Variants in LRCH2 observed in about 807,000 individuals in gnomAD.
The protein encoded by LRCH2 is leucine-rich repeat and calponin homology domain-containing protein 2.
Under a neutral mutation model 68.9 loss-of-function variants are expected in LRCH2, and 38 were observed. The observed-to-expected ratio is 0.55, with a 90% confidence interval of 0.43 to 0.72. The LOEUF (loss-of-function observed/expected upper bound fraction) is 0.72, where lower values mean the gene tolerates loss of function less well. Among genes scored for constraint, LRCH2 ranks in the 30% least tolerant of loss-of-function variants. The pLI is 0.00. For missense variants in LRCH2, 528 were observed against 572.9 expected, an observed-to-expected ratio of 0.92 and a Z score of 0.80; for synonymous variants, 191 against 208.1, an observed-to-expected ratio of 0.92 and a Z score of 0.71.
intron 1 of LRCH2, among the ~76,000 whole-genome samples, chrX:115,213,098 C>T (rs1156484694): frequency 9.0e-6 from 1 of 111,189 alleles, no homozygotes; most frequent in Admixed American, 9.5e-5. Context: ...TGCGTCCAGT[C>T]TGCACTTTGT....
chrX:115,113,063 T>C lies in LRCH2; in HGVS notation c.*153A>G. ...CAAAGAAGTTCGGGCAATTCAATGT[T>C]TAAGTTTGATGTTTCAATGTAATTT... On this transcript the variant is annotated 3_prime_UTR_variant, in exon 21 of 21. Transcript: ENST00000317135. 2.4e-6 allele frequency: 1 copy of C among 417,021 alleles called. No individual in the cohort carries two copies. 34.4% of individuals were successfully genotyped at this position (417,021 alleles called of 1,213,427 possible).
At chrX:115,145,095 G>C (rs2072370572) in intron 14 of LRCH2, among the ~76,000 whole-genome samples, 1 of 111,458 alleles carries the variant, frequency 9.0e-6, no homozygotes, top group Non-Finnish European at 1.9e-5. Flanking sequence ...CATAAAAACA[G>C]ACACACAGAC....
At chrX:115,197,220 C>A (rs911827604) in intron 1 of LRCH2, among the ~76,000 whole-genome samples, 4 of 110,696 alleles carry the variant, frequency 3.6e-5, no homozygotes, top group African/African-American at 1.3e-4. Flanking sequence ...CATAAAGATA[C>A]AGAAAACATG....
chrX:115,161,994 A>T (rs1569514035), intron 11 of LRCH2, among the ~76,000 whole-genome samples: 1 of 93,673 alleles, frequency 1.1e-5, no homozygotes, highest in Admixed American at 1.4e-4. Context: ...ATCTTGGCTC[A>T]CTGCAACCTC....
At chrX:115,133,821 CAACT>C (rs2147355805) in intron 14 of LRCH2, among the ~76,000 whole-genome samples, 1 of 111,410 alleles carries the variant, frequency 9.0e-6, no homozygotes, top group South Asian at 3.8e-4. Flanking sequence ...GTAATTAGGC[CAACT>C]AATAATCCCA....
At chrX:115,155,282 G>T (rs912477739) in intron 12 of LRCH2, among the ~76,000 whole-genome samples, 26 of 108,948 alleles carry the variant, frequency 2.4e-4, no homozygotes, top group Middle Eastern at 4.6e-3. Context: ...GTGGGGAAGG[G>T]GTGGGGTGTG....
intron 16 of LRCH2, among the ~76,000 whole-genome samples, chrX:115,125,674 T>C (rs1295081176): frequency 1.0e-5 from 1 of 96,898 alleles, no homozygotes; most frequent in African/African-American, 3.7e-5. Context: ...TACGTATATA[T>C]ATATCAATGT....
chrX:115,188,493 A>G, intron 1 of LRCH2, 123 bp from the exon 2 acceptor site: 5 of 472,471 alleles, frequency 1.1e-5, no homozygotes, highest in Non-Finnish European at 1.6e-5. Flanking sequence ...AAAATATACA[A>G]TATTATCCAT....
chrX:115,193,556 T>C (rs1556562136), intron 1 of LRCH2, among the ~76,000 whole-genome samples: 1 of 112,346 alleles, frequency 8.9e-6, no homozygotes, highest in African/African-American at 3.2e-5. Flanking sequence ...TTCACAAAAA[T>C]AAAATCATGG....
intron 11 of LRCH2, among the ~76,000 whole-genome samples, chrX:115,159,341 G>A (rs1556540667): frequency 9.1e-6 from 1 of 110,099 alleles, no homozygotes; most frequent in Non-Finnish European, 1.9e-5. Context: ...TTGATGAATA[G>A]CTATTTAAAT....
chrX:115,195,419 G>A (rs1446235046), intron 1 of LRCH2, among the ~76,000 whole-genome samples: 1 of 108,730 alleles, frequency 9.2e-6, no homozygotes, highest in Non-Finnish European at 1.9e-5. Context: ...CACTTAGTGA[G>A]TAGAGAAAAA....
rs781883141 is a variant in LRCH2, at chrX:115,192,095, A to G, written c.350-3725T>C. ...TCGCCCGATGCCCACAGCGGGGACC[A>G]CTACACCGAAGCCTACAGCAGGGGC... On this transcript the variant is annotated intron_variant, in intron 1 of 20. Transcript: ENST00000317135. 2.1e-5 allele frequency: 25 copies of G among 1,164,096 alleles called. No homozygotes were observed. The highest frequency in any genetic ancestry group is 2.3e-4 in the Middle Eastern group (1 of 4,313).
intron 1 of LRCH2, among the ~76,000 whole-genome samples, chrX:115,199,075 A>C (rs1209915207): frequency 8.9e-6 from 1 of 112,270 alleles, no homozygotes; most frequent in Non-Finnish European, 1.9e-5. Flanking sequence ...GAAATGCTCA[A>C]AGAAGTCCTA....
intron 12 of LRCH2, among the ~76,000 whole-genome samples, chrX:115,155,309 T>C (rs1039631236): frequency 9.1e-6 from 1 of 110,246 alleles, no homozygotes; most frequent in African/African-American, 3.3e-5. Flanking sequence ...CACGTACTGC[T>C]GAAAAAAGTC....
intron 11 of LRCH2, among the ~76,000 whole-genome samples, chrX:115,157,739 A>G (rs1413438646): frequency 9.1e-6 from 1 of 110,319 alleles, no homozygotes; most frequent in African/African-American, 3.3e-5. Context: ...TAGGAAAAAT[A>G]TATTTTAAAA....
rs781857519 is a variant in LRCH2 at position 115,233,898 on chromosome X, G to A, written c.144C>T (p.Val48=). 5.2e-5 allele frequency: 60 copies of A among 1,162,035 alleles called. No individual in the cohort carries two copies. The highest frequency in any genetic ancestry group is 6.4e-5 in the Non-Finnish European group (56 of 871,440). ...CGAAAAGAGTCGGTACCGGGATGGG[G>A]ACCACCAGGGTCCCGCCGCCGCCGC... ...GGGGGGGTLV[V]PIPVPTLFGQ... is the part of the protein sequence containing the mutation. Residue 48 remains valine, a synonymous_variant, in exon 1 of 21, where the codon GTC becomes GTT. Transcript: ENST00000317135.
chrX:115,186,503 T>G (rs1556554498), intron 2 of LRCH2, among the ~76,000 whole-genome samples: 1 of 111,628 alleles, frequency 9.0e-6, no homozygotes, highest in Admixed American at 9.6e-5. Flanking sequence ...TATTTCAATA[T>G]AGTTTGCTCA....
intron 1 of LRCH2, chrX:115,191,865 G>T: frequency 2.6e-6 from 3 of 1,156,261 alleles, no homozygotes; most frequent in Non-Finnish European, 3.5e-6. Context: ...GTTCCAGCCG[G>T]AACGACCCCT....
At chrX:115,159,201 A>C (rs1556540617) in intron 11 of LRCH2, among the ~76,000 whole-genome samples, 6 of 111,068 alleles carry the variant, frequency 5.4e-5, no homozygotes, top group Admixed American at 4.8e-4. Flanking sequence ...CTGTACTGTT[A>C]ATTATAGGCA....
Sources: gnomAD v4.1 joint callset for allele counts (sites outside exome capture counted in the v4.1 genomes callset) on GRCh38, gnomAD v4.1.1 for gene constraint, MANE v1.5 for transcripts, NCBI Gene and HGNC (gene_info 2026-07-23, HGNC 2026-07-21) for gene names.